The following HOMER2 variants were observed in gnomAD, a reference collection of about 807,000 sequenced individuals.
HOMER2 encodes the protein homer protein homolog 2.
A neutral mutation model predicts 47.0 loss-of-function variants in HOMER2; 27 were observed. The observed-to-expected ratio is 0.57, with a 90% CI of 0.42 to 0.79. The LOEUF is 0.79. Ranked by LOEUF, HOMER2 falls within the 30% of genes least tolerant of loss-of-function variation. HOMER2 has a pLI of 0.00. For synonymous variants in HOMER2, 161 were observed against 163.8 expected (o/e 0.98, Z 0.13); for missense variants, 443 against 435.0 (o/e 1.02, Z -0.16).
chr15:82,972,714 C>A (rs902025655), intron 1 of HOMER2, among the ~76,000 whole-genome samples: 6 of 152,156 alleles, frequency 3.9e-5, no homozygotes, highest in Non-Finnish European at 8.8e-5. Context: ...AATTCTTAGG[C>A]ACTGCAGTAG....
At chr15:82,910,188 A>T (rs2053413443) in intron 1 of HOMER2, among the ~76,000 whole-genome samples, 2 of 147,740 alleles carry the variant, frequency 1.4e-5, no homozygotes, top group Non-Finnish European at 3.0e-5. Context: ...ACCTTTACTG[A>T]GAAAGGTAAA....
intron 3 of HOMER2, among the ~76,000 whole-genome samples, chr15:82,874,261 C>T (rs1427773401): frequency 1.3e-5 from 2 of 152,232 alleles, no homozygotes; most frequent in Admixed American, 6.5e-5. Flanking sequence ...AGAAGCAAGT[C>T]TGGCTCTGGC....
At chr15:82,868,700 C>T (rs540849494) in intron 3 of HOMER2, among the ~76,000 whole-genome samples, 10 of 150,398 alleles carry the variant, frequency 6.6e-5, no homozygotes, top group South Asian at 2.1e-4. Flanking sequence ...TACAGGCATG[C>T]GCCACCACGC....
At chr15:82,841,675 C>T (rs2051177649) in exon 2 of HOMER2, 1 of 152,088 alleles carries the variant, frequency 6.6e-6, no homozygotes, top group South Asian at 2.1e-4. Context: ...TATCAACCTA[C>T]CCAGAACTAT....
chr15:82,929,393 C>T (rs1047917718), intron 1 of HOMER2, among the ~76,000 whole-genome samples: 13 of 152,064 alleles, frequency 8.5e-5, no homozygotes, highest in African/African-American at 2.4e-4. Flanking sequence ...CGGTGGCTCA[C>T]GCCCGTAATC....
intron 1 of HOMER2, among the ~76,000 whole-genome samples, chr15:82,984,284 G>A (rs979458866): frequency 6.6e-6 from 1 of 151,678 alleles, no homozygotes; most frequent in East Asian, 2.0e-4. Context: ...CACCCGCCTC[G>A]ACCTCCCAAA....
chr15:82,978,571 A>AC (rs1161945256), intron 1 of HOMER2, among the ~76,000 whole-genome samples: 2 of 152,168 alleles, frequency 1.3e-5, no homozygotes, highest in Non-Finnish European at 1.5e-5. Context: ...TAGTTCATTT[A>AC]GGCAGTGATA....
intron 2 of HOMER2, among the ~76,000 whole-genome samples, chr15:82,875,952 T>TG (rs910997268): frequency 2.6e-5 from 4 of 151,966 alleles, no homozygotes; most frequent in African/African-American, 9.7e-5. Context: ...CGGGTGTGAG[T>TG]GGGGTACAGG....
At chr15:82,870,918 G>T (rs2052155621) in intron 3 of HOMER2, among the ~76,000 whole-genome samples, 2 of 152,234 alleles carry the variant, frequency 1.3e-5, no homozygotes, top group Non-Finnish European at 2.9e-5. Flanking sequence ...TAATGAATAA[G>T]ATGGAACCAA....
chr15:82,862,882 C>T (rs1173643716), intron 4 of HOMER2, among the ~76,000 whole-genome samples: 1 of 152,176 alleles, frequency 6.6e-6, no homozygotes, highest in Non-Finnish European at 1.5e-5. Flanking sequence ...CACTGACAAA[C>T]CCAGGGTCCC....
At chr15:82,985,472 A>T (rs941533442) in intron 1 of HOMER2, 1 of 152,262 alleles carries the variant, frequency 6.6e-6, no homozygotes, top group Admixed American at 6.5e-5. Context: ...AGATGCAAGA[A>T]TTACTGTAGG....
intron 7 of HOMER2, among the ~76,000 whole-genome samples, chr15:82,851,924 C>A (rs1435334026): frequency 6.6e-6 from 1 of 152,218 alleles, no homozygotes; most frequent in African/African-American, 2.4e-5. Flanking sequence ...TGGATCTGCA[C>A]GACCAGCTAT....
intron 1 of HOMER2, among the ~76,000 whole-genome samples, chr15:82,947,618 G>T (rs1449661717): frequency 6.6e-6 from 1 of 152,132 alleles, no homozygotes; most frequent in African/African-American, 2.4e-5. Flanking sequence ...ACATCACAAT[G>T]AAAGCTAAAT....
At chr15:82,917,675 G>A (rs749367305) in intron 1 of HOMER2, among the ~76,000 whole-genome samples, 4 of 152,104 alleles carry the variant, frequency 2.6e-5, no homozygotes, top group Non-Finnish European at 4.4e-5. Flanking sequence ...TAGTTAAGAA[G>A]AATAAACCCA....
chr15:82,980,503 T>C lies in HOMER2; in HGVS notation n.82+5284A>G, dbSNP rs34627954. Among the ~76,000 whole-genome samples the C allele has an allele frequency of 6.1e-3, 927 of 152,298 alleles. 11 individuals are homozygous for C. Among genetic ancestry groups the C allele is most frequent in the Non-Finnish European group, 8.3e-3 (562 of 68,018 alleles). ...TTCTGCCTCTGACCACCCTGGTGTC[T>C]TTCCCATGTGGCTCTGCGTGGCGTG... On this transcript the variant is annotated intron_variant and non_coding_transcript_variant, in intron 1 of 1. Coordinates refer to the HOMER2 transcript ENST00000500334.
chr15:82,924,361 T>G (rs63533260), intron 1 of HOMER2, among the ~76,000 whole-genome samples: 2 of 71,032 alleles, frequency 2.8e-5, no homozygotes, highest in South Asian at 3.2e-4. Flanking sequence ...GTGCTGGCCC[T>G]TTTTTTTTTT....
At chr15:82,946,441 CCTTA>C (rs2054383891) in intron 1 of HOMER2, among the ~76,000 whole-genome samples, 1 of 152,178 alleles carries the variant, frequency 6.6e-6, no homozygotes, top group Non-Finnish European at 1.5e-5. Flanking sequence ...ATACTAGCTT[CCTTA>C]CTATTTCTTG....
chr15:82,882,838 C>T (rs1274436667), intron 2 of HOMER2, among the ~76,000 whole-genome samples: 1 of 101,854 alleles, frequency 9.8e-6, no homozygotes, highest in Non-Finnish European at 1.9e-5. Context: ...TCTGATGTGG[C>T]GTTTGCTCAA....
exon 2 of HOMER2, chr15:82,842,219 C>G (rs2051182933): frequency 6.6e-6 from 1 of 151,924 alleles, no homozygotes; most frequent in African/African-American, 2.4e-5. Context: ...GATGTTAGTC[C>G]TCTTGTGTAA....
Sources: gnomAD v4.1 joint callset for allele counts (sites outside exome capture counted in the v4.1 genomes callset) on GRCh38, gnomAD v4.1.1 for gene constraint, MANE v1.5 for transcripts, NCBI Gene and HGNC (gene_info 2026-07-23, HGNC 2026-07-21) for gene names.